The following DGCR8 variants were observed in gnomAD, a reference collection of about 807,000 sequenced individuals.
DGCR8 encodes DGCR8 microprocessor complex subunit, also known as microprocessor complex subunit DGCR8.
A neutral mutation model predicts 78.5 loss-of-function variants in DGCR8; 14 were observed. The observed-to-expected ratio is 0.18, with a 90% CI of 0.12 to 0.28. The LOEUF is 0.28. Ranked by LOEUF, DGCR8 falls within the 10% of genes least tolerant of loss-of-function variation. The pLI is 1.00. For synonymous variants in DGCR8, 399 were observed against 402.4 expected, an observed-to-expected ratio of 0.99 and a Z score of 0.10; for missense variants, 702 against 1,022.5, an observed-to-expected ratio of 0.69 and a Z score of 4.28.
At chr22:20,080,468 C>T (rs915401411) in intron 1 of DGCR8, 85 bp downstream of exon 1, 3 of 983,874 alleles carry the variant, frequency 3.0e-6, no homozygotes, top group Non-Finnish European at 3.6e-6. Context: ...CTCCCGCCTC[C>T]CTCCGGGACC....
intron 5 of DGCR8, 129 bp from the exon 6 acceptor site, chr22:20,091,306 C>T: frequency 1.1e-6 from 1 of 871,848 alleles, no homozygotes; most frequent in Non-Finnish European, 1.8e-6. Context: ...TTGCTTCCCT[C>T]CCCTTTGAAA....
chr22:20,098,979 T>C (rs1459837288), intron 9 of DGCR8, among the ~76,000 whole-genome samples: 1 of 152,204 alleles, frequency 6.6e-6, no homozygotes, highest in East Asian at 1.9e-4. Flanking sequence ...GTATTCTTTA[T>C]GATTTGTGGC....
chr22:20,081,889 C>G (rs752023774), intron 1 of DGCR8, among the ~76,000 whole-genome samples: 8 of 152,144 alleles, frequency 5.3e-5, no homozygotes, highest in Non-Finnish European at 1.2e-4. Context: ...GCCCCGTCAG[C>G]TCACCTATTT....
chr22:20,098,510 A>T (rs2147931281), intron 9 of DGCR8, among the ~76,000 whole-genome samples: 1 of 152,338 alleles, frequency 6.6e-6, no homozygotes, highest in African/African-American at 2.4e-5. Context: ...CAACTCTGGA[A>T]ATCACATTAC....
Position 20,080,257 on chromosome 22 carries a change from C to G in DGCR8, c.-404C>G. ...AGGCCCGCCCTCCGCTCGCCCGGCG[C>G]GGCAGGCGGGTGCCGGCGACCGGAG... On this transcript the variant is annotated 5_prime_UTR_variant, in exon 1 of 14. Coordinates refer to ENST00000351989, the MANE Select transcript of DGCR8 (RefSeq NM_022720.7). The G allele has an allele frequency of 1.0e-6, 1 of 977,142 alleles. No homozygotes were observed. The highest frequency in any genetic ancestry group is 1.2e-6 in the Non-Finnish European group (1 of 824,556). The allele number at this position is 977,142 out of a possible 1,614,324, so 60.5% of individuals were successfully genotyped here. A position where few individuals can be genotyped will look rare whatever the true frequency, so the allele number is the denominator to read the frequency against.
At chr22:20,106,074 C>A in intron 9 of DGCR8, 103 bp from the exon 10 acceptor site, 1 of 879,410 alleles carries the variant, frequency 1.1e-6, no homozygotes, top group Non-Finnish European at 1.9e-6. Context: ...GGCGAGCTCA[C>A]AAGAACAGAC....
intron 9 of DGCR8, chr22:20,100,953 C>A: frequency 1.8e-6 from 1 of 570,016 alleles, no homozygotes; most frequent in Non-Finnish European, 2.2e-6. Flanking sequence ...CCTCCTCGTG[C>A]TTGGAAATTT....
intron 9 of DGCR8, among the ~76,000 whole-genome samples, chr22:20,099,553 G>A (rs527995520): frequency 2.0e-5 from 3 of 152,296 alleles, no homozygotes; most frequent in Non-Finnish European, 2.9e-5. Context: ...GGAATGGGGC[G>A]AGTTAAGATG....
Position 20,085,725 on chromosome 22 carries a change from C to G in DGCR8, c.-239C>G. On this transcript the variant is annotated 5_prime_UTR_variant, in exon 2 of 14. Transcript: ENST00000351989. The surrounding 1 kb of genome is among the most constrained non-coding windows in gnomAD (Gnocchi z 6.2). ...GGTGCCACTCCGGCATGAAGACAGA[C>G]TCGCTTAGTCGCCAGTCACTTAAGC... is the stretch of plus-strand genomic sequence containing the variant. 1 of 1,346,282 alleles carries G rather than the reference C, an allele frequency of 7.4e-7. No individual in the cohort carries two copies. The highest frequency in any genetic ancestry group is 2.2e-5 in the South Asian group (1 of 45,260). 83.4% of individuals were successfully genotyped at this position (1,346,282 alleles called of 1,614,324 possible). A position where few individuals can be genotyped will look rare whatever the true frequency, so the allele number is the denominator to read the frequency against.
intron 1 of DGCR8, among the ~76,000 whole-genome samples, chr22:20,081,887 A>C (rs1602473501): frequency 1.3e-5 from 2 of 152,180 alleles, no homozygotes; most frequent in East Asian, 1.9e-4. Context: ...AGGCCCCGTC[A>C]GCTCACCTAT....
At chr22:20,104,094 G>A (rs1248471959) in intron 9 of DGCR8, among the ~76,000 whole-genome samples, 1 of 151,994 alleles carries the variant, frequency 6.6e-6, no homozygotes, top group East Asian at 1.9e-4. Context: ...TGTCCCTGGC[G>A]GGTTAACCCT....
chr22:20,084,268 G>C (rs778888143), intron 1 of DGCR8, among the ~76,000 whole-genome samples: 21 of 152,334 alleles, frequency 1.4e-4, no homozygotes, highest in Middle Eastern at 3.4e-3. Flanking sequence ...CGGGAATCTT[G>C]GGAGGATGTT....
At chr22:20,100,460 G>A (rs1375662797) in intron 9 of DGCR8, 8 of 985,288 alleles carry the variant, frequency 8.1e-6, no homozygotes, top group Admixed American at 6.1e-5. Flanking sequence ...GTAGACCCTG[G>A]CCCACCAAAA....
intron 9 of DGCR8, among the ~76,000 whole-genome samples, chr22:20,105,466 C>T (rs2049758358): frequency 6.6e-6 from 1 of 152,258 alleles, no homozygotes; most frequent in Non-Finnish European, 1.5e-5. Flanking sequence ...CCAGGAGGCA[C>T]TCTCAGCTTC....
chr22:20,082,145 C>T (rs921320225), intron 1 of DGCR8, among the ~76,000 whole-genome samples: 1 of 151,856 alleles, frequency 6.6e-6, no homozygotes, highest in Non-Finnish European at 1.5e-5. Context: ...CAACTTCTGC[C>T]TCCCGGGTTC....
At chr22:20,108,567 C>G in intron 12 of DGCR8, 2 of 282,552 alleles carry the variant, frequency 7.1e-6, no homozygotes, top group East Asian at 1.8e-4. Context: ...TCTGGTTTCA[C>G]TCCTTGATGA....
intron 9 of DGCR8, among the ~76,000 whole-genome samples, chr22:20,105,903 C>G (rs1211513850): frequency 1.3e-5 from 2 of 151,814 alleles, no homozygotes; most frequent in African/African-American, 2.4e-5. Flanking sequence ...GCCTGGCCAG[C>G]CAGCCATGTA....
rs965396169 is a variant in DGCR8, at chr22:20,087,970, G to A, written c.880+649G>A. Among the ~76,000 whole-genome samples, 1 of 152,106 alleles carries A rather than the reference G, an allele frequency of 6.6e-6. No homozygotes were observed. The highest frequency in any genetic ancestry group is 1.5e-5 in the Non-Finnish European group (1 of 68,020). ...GGGAGTCGGAGTTGGTGGCTTGGAG[G>A]CACCTATGAGGGTCCTGGTGGAGAT... is the stretch of plus-strand genomic sequence containing the variant. On this transcript the variant is annotated intron_variant, in intron 3 of 13. Coordinates refer to ENST00000351989, the MANE Select transcript of DGCR8 (RefSeq NM_022720.7). This position sits in a 1 kb window ranked among gnomAD's most constrained non-coding sequence, Gnocchi z 4.1.
intron 6 of DGCR8, 91 bp from the exon 7 acceptor site, chr22:20,091,778 T>C (rs1387223780): frequency 1.5e-5 from 22 of 1,491,058 alleles, no homozygotes; most frequent in African/African-American, 1.2e-4. Context: ...TTCACGGTCG[T>C]GAGCCCCTAG....
Sources: gnomAD v4.1 joint callset for allele counts (sites outside exome capture counted in the v4.1 genomes callset) on GRCh38, gnomAD v4.1.1 for gene constraint, Gnocchi (gnomAD v3.1) non-coding constraint, MANE v1.5 for transcripts, NCBI Gene and HGNC (gene_info 2026-07-23, HGNC 2026-07-21) for gene names.